Variants in SLC10A4 observed in about 807,000 individuals in gnomAD.
The protein encoded by SLC10A4 is solute carrier family 10 member 4.
A neutral mutation model predicts 22.5 loss-of-function variants in SLC10A4; 17 were observed. The observed-to-expected ratio is 0.76, with a 90% CI of 0.52 to 1.14. SLC10A4 has a LOEUF of 1.14. SLC10A4 is among the 50% of genes most tolerant of loss of function. The pLI is 0.00. For missense variants in SLC10A4, 548 were observed against 584.0 expected, an observed-to-expected ratio of 0.94 and a Z score of 0.64; for synonymous variants, 257 against 258.2, an observed-to-expected ratio of 1.00 and a Z score of 0.04.
In SLC10A4 at chr4:48,488,729, A is replaced by C. The variant is rs751176218; in HGVS notation, c.1104A>C (p.Ala368=). 7 of 1,613,940 alleles carry C rather than the reference A, an allele frequency of 4.3e-6. No homozygotes were observed. In the African/African-American group the frequency reaches 9.3e-5, roughly 22 times the overall value. The change falls in exon 3 of 3, where the codon GCA becomes GCC. Residue 368 remains alanine (A), a synonymous_variant. Coordinates refer to ENST00000273861, the MANE Select transcript of SLC10A4 (RefSeq NM_152679.4). ...GSMYMFPLLY[A]LFQSAEAGIF... is the part of the protein sequence containing the mutation. Reference sequence around the variant, plus strand: ...TGTACATGTTTCCTTTGCTGTATGCACTTTTCCAGTCTGCAGAAGCGGGGA... The same window carrying C: ...TGTACATGTTTCCTTTGCTGTATGCCCTTTTCCAGTCTGCAGAAGCGGGGA...
chr4:48,487,894 T>C (rs1216317871), intron 2 of SLC10A4, among the ~76,000 whole-genome samples: 1 of 128,508 alleles, frequency 7.8e-6, no homozygotes, highest in East Asian at 2.6e-4. Context: ...AACCTCCACC[T>C]CCCAGGTTCA....
chr4:48,488,798 C>G lies in SLC10A4; in HGVS notation c.1173C>G (p.His391Gln), dbSNP rs772104957. The G allele has an allele frequency of 1.2e-6, 2 of 1,613,970 alleles. No homozygotes were observed. Among genetic ancestry groups the G allele is most frequent in the Middle Eastern group, 1.7e-4 (1 of 6,060 alleles). The change falls in exon 3 of 3, where the codon CAC becomes CAG. Residue 391 changes from histidine to glutamine, a missense_variant. By Grantham distance (24) the His-to-Gln change is conservative. Around this residue, in one of 3 missense-constraint regions of SLC10A4, gnomAD observed 314 missense variants for 353.2 expected, o/e 0.89. Coordinates refer to ENST00000273861, the MANE Select transcript of SLC10A4 (RefSeq NM_152679.4). Reference sequence around the variant, plus strand: ...AAATGTATGGAAGTGAAATGTTGCACAAGCGAGATCCTCTAGATGAAGATG... The same window carrying G: ...AAATGTATGGAAGTGAAATGTTGCAGAAGCGAGATCCTCTAGATGAAGATG... ...IYKMYGSEML[H>Q]KRDPLDEDED...
In SLC10A4 at chr4:48,483,591, C is replaced by A; in HGVS notation, c.30C>A (p.Leu10=). ...ACGGCAACGACAACGTGACCCTGCT[C>A]TTCGCCCCTCTGCTGCGGGACAACT... is the stretch of plus-strand genomic sequence containing the variant. MDGNDNVTL[L]FAPLLRDNYT... Residue 10 remains leucine (L), a synonymous_variant, in exon 1 of 3, where the codon CTC becomes CTA. Transcript: ENST00000273861. This position sits in a 1 kb window ranked among gnomAD's most constrained non-coding sequence, Gnocchi z 5.4. 2 of 1,505,620 alleles carry A rather than the reference C, an allele frequency of 1.3e-6. No individual in the cohort carries two copies. Among genetic ancestry groups the A allele is most frequent in the South Asian group, 1.2e-5 (1 of 81,170 alleles). The allele number at this position is 1,505,620 out of a possible 1,614,324, so 93.3% of individuals were successfully genotyped here. A position where few individuals can be genotyped will look rare whatever the true frequency, so the allele number is the denominator to read the frequency against.
chr4:48,486,332 C>G (rs1232982220), intron 2 of SLC10A4, among the ~76,000 whole-genome samples: 1 of 151,742 alleles, frequency 6.6e-6, no homozygotes, highest in East Asian at 1.9e-4. Flanking sequence ...ATATTAATAC[C>G]TGTAATATAT....
chr4:48,483,858 G>T lies in SLC10A4; in HGVS notation c.297G>T (p.Thr99=). 1 of 1,541,250 alleles carries T rather than the reference G, an allele frequency of 6.5e-7. No individual in the cohort carries two copies. Residue 99 remains threonine, a synonymous_variant, in exon 1 of 3, where the codon ACG becomes ACT. Transcript: ENST00000273861. The surrounding 1 kb of genome is among the most constrained non-coding windows in gnomAD (Gnocchi z 5.4). ...CCCACGCGCTCCCGTTCTGGGACAC[G>T]CCGCTGAACCACGGGCTGAACGTGT... is the stretch of plus-strand genomic sequence containing the variant. ...WAPHALPFWD[T]PLNHGLNVFV... is the part of the protein sequence containing the mutation.
Position 48,488,851 on chromosome 4 carries a change from T to G in SLC10A4, c.1226T>G (p.Leu409Arg). 7 of 1,613,736 alleles carry G rather than the reference T, an allele frequency of 4.3e-6. No homozygotes were observed. Among genetic ancestry groups the G allele is most frequent in the Non-Finnish European group, 5.9e-6 (7 of 1,179,934 alleles). ...GATACAGATATTTCTTATAAAAAAC[T>G]AAAAGAAGAGGAAATGGCAGACACT... ...DEDTDISYKKLKEEEMADTSY... is the reference protein window; with the variant it reads ...DEDTDISYKKRKEEEMADTSY... The change falls in exon 3 of 3, where the codon CTA becomes CGA. Residue 409 changes from leucine to arginine, a missense_variant. Leu to Arg is a moderately radical substitution (Grantham distance 102). Coordinates refer to ENST00000273861, the MANE Select transcript of SLC10A4 (RefSeq NM_152679.4).
Position 48,489,157 on chromosome 4 carries a change from G to GCCTGAATTAAATGTGGT in SLC10A4, c.*219_*235dup. 2.1e-6 allele frequency: 1 copy of GCCTGAATTAAATGTGGT among 467,288 alleles called. No individual in the cohort carries two copies. The highest frequency in any genetic ancestry group is 3.6e-6 in the Non-Finnish European group (1 of 275,078). 28.9% of individuals were successfully genotyped at this position (467,288 alleles called of 1,614,324 possible). On this transcript the variant is annotated 3_prime_UTR_variant, in exon 3 of 3. Coordinates refer to ENST00000273861, the MANE Select transcript of SLC10A4 (RefSeq NM_152679.4). Reference sequence around the variant, plus strand: ...TTGCACCTGGAATGGCTAACGTGAAGCCTGAATTAAATGTGGTTTTTAGTT... The same window carrying GCCTGAATTAAATGTGGT: ...TTGCACCTGGAATGGCTAACGTGAAGCCTGAATTAAATGTGGTCCTGAATTAAATGTGGTTTTTAGTT...
chr4:48,485,003 G>A lies in SLC10A4; in HGVS notation c.662G>A (p.Trp221Ter), dbSNP rs1478193239. The change falls in exon 2 of 3, where the codon TGG becomes TAG. Residue 221 changes from tryptophan (W) to a stop codon, truncating the protein, a stop_gained. Transcript: ENST00000273861. LOFTEE classifies it high-confidence loss of function. Reference sequence around the variant, plus strand: ...CCCCTGTGCCTGTGGATCTACAGCTGGGCTTGGATCAACACCCCTATCGTG... The same window carrying A: ...CCCCTGTGCCTGTGGATCTACAGCTAGGCTTGGATCAACACCCCTATCGTG... Reference protein sequence around the residue: ...LMPLCLWIYSWAWINTPIVQL... With the variant: ...LMPLCLWIYS The A allele has an allele frequency of 1.2e-6, 2 of 1,614,082 alleles. No homozygotes were observed. Among genetic ancestry groups the A allele is most frequent in the Non-Finnish European group, 8.5e-7 (1 of 1,180,000 alleles).
chr4:48,484,860 A>G lies in SLC10A4; in HGVS notation c.591-72A>G, dbSNP rs1718252157. On this transcript the variant is annotated intron_variant, in intron 1 of 2. Coordinates refer to ENST00000273861, the MANE Select transcript of SLC10A4 (RefSeq NM_152679.4). ...TCTCCCCGTTCCACCTCTACTCAAC[A>G]TACAAGAAAAAGGTTAGCTGGCTGT... 131 of 1,446,094 alleles carry G rather than the reference A, an allele frequency of 9.1e-5. 1 individual carries two copies. In the South Asian group the frequency reaches 1.6e-3, roughly 18 times the overall value. The allele number at this position is 1,446,094 out of a possible 1,614,324, so 89.6% of individuals were successfully genotyped here. A position where few individuals can be genotyped will look rare whatever the true frequency, so the allele number is the denominator to read the frequency against.
intron 1 of SLC10A4, among the ~76,000 whole-genome samples, chr4:48,484,508 C>T (rs1479219220): frequency 6.6e-6 from 1 of 152,204 alleles, no homozygotes; most frequent in Non-Finnish European, 1.5e-5. Context: ...AACTCGCCGG[C>T]AACGTAAAAG....
In SLC10A4 at chr4:48,483,613, A is replaced by G; in HGVS notation, c.52A>G (p.Asn18Asp). ...GCTCTTCGCCCCTCTGCTGCGGGAC[A>G]ACTACACCCTGGCGCCCAATGCCAG... ...TLLFAPLLRD[N>D]YTLAPNASSL... Residue 18 changes from asparagine (N) to aspartate (D), a missense_variant, in exon 1 of 3, where the codon AAC becomes GAC. Around this residue, in one of 3 missense-constraint regions of SLC10A4, gnomAD observed 225 missense variants for 206.9 expected, o/e 1.09. Transcript: ENST00000273861. This position sits in a 1 kb window ranked among gnomAD's most constrained non-coding sequence, Gnocchi z 5.4. 2.7e-6 allele frequency: 4 copies of G among 1,500,708 alleles called. No individual in the cohort carries two copies. The highest frequency in any genetic ancestry group is 3.5e-6 in the Non-Finnish European group (4 of 1,128,816). The allele number at this position is 1,500,708 out of a possible 1,614,324, so 93.0% of individuals were successfully genotyped here. A position where few individuals can be genotyped will look rare whatever the true frequency, so the allele number is the denominator to read the frequency against.
chr4:48,484,524 T>A (rs1200653579), intron 1 of SLC10A4, among the ~76,000 whole-genome samples: 1 of 152,172 alleles, frequency 6.6e-6, no homozygotes, highest in Non-Finnish European at 1.5e-5. Context: ...AAAAGTAAAA[T>A]AGGGCTACTG....
rs779229808 is a variant in SLC10A4 at position 48,489,302 on chromosome 4, T to C, written c.*363T>C. The C allele has an allele frequency of 8.0e-5, 14 of 174,666 alleles. No homozygotes were observed. The highest frequency in any genetic ancestry group is 9.6e-5 in the Non-Finnish European group (8 of 82,988). 10.8% of individuals were successfully genotyped at this position (174,666 alleles called of 1,614,324 possible). A position where few individuals can be genotyped will look rare whatever the true frequency, so the allele number is the denominator to read the frequency against. ...AACAAGCTATCTTTGTAAAGCATAA[T>C]TGAGTTTAATGTAATTGTTGTAAAA... On this transcript the variant is annotated 3_prime_UTR_variant, in exon 3 of 3. Transcript: ENST00000273861.
rs757467094 is a variant in SLC10A4, at chr4:48,484,031, T to A, written c.470T>A (p.Leu157Gln). The A allele has an allele frequency of 6.3e-7, 1 of 1,598,838 alleles. No individual in the cohort carries two copies. Among genetic ancestry groups the A allele is most frequent in the South Asian group, 1.1e-5 (1 of 90,038 alleles). Reference sequence around the variant, plus strand: ...CTCCTGCCGCTGCTGGCCTTCCTGCTGGCCCTCGCCTTCAAGCTGGACGAG... The same window carrying A: ...CTCCTGCCGCTGCTGGCCTTCCTGCAGGCCCTCGCCTTCAAGCTGGACGAG... ...FGLLPLLAFL[L>Q]ALAFKLDEVA... is the part of the protein sequence containing the mutation. Residue 157 changes from leucine to glutamine, a missense_variant, in exon 1 of 3, where the codon CTG becomes CAG. This residue lies in a region of SLC10A4 where 314 missense variants were observed against 353.2 expected (regional missense o/e 0.89). Transcript: ENST00000273861.
rs1718261192 is a variant in SLC10A4 at position 48,485,085 on chromosome 4, C to T, written c.744C>T (p.Ile248=). ...CTCTCTGCAGCACTCTCATACCTAT[C>T]GGGTTGGGCGTCTTCATTCGCTACA... ...TLTLCSTLIP[I]GLGVFIRYKY... Residue 248 remains isoleucine, a synonymous_variant, in exon 2 of 3, where the codon ATC becomes ATT. Transcript: ENST00000273861. The T allele has an allele frequency of 6.2e-7, 1 of 1,614,096 alleles. No homozygotes were observed. Among genetic ancestry groups the T allele is most frequent in the Non-Finnish European group, 8.5e-7 (1 of 1,180,024 alleles).
chr4:48,489,026 A>T lies in SLC10A4; in HGVS notation c.*87A>T. On this transcript the variant is annotated 3_prime_UTR_variant, in exon 3 of 3. Transcript: ENST00000273861. ...GTAGTGCACATGGTTAACATAAAAG[A>T]TAACACTGGTTCACATCATACATGT... The T allele has an allele frequency of 7.1e-7, 1 of 1,408,044 alleles. No homozygotes were observed. The highest frequency in any genetic ancestry group is 1.4e-5 in the South Asian group (1 of 69,958). 87.2% of individuals were successfully genotyped at this position (1,408,044 alleles called of 1,614,324 possible). A position where few individuals can be genotyped will look rare whatever the true frequency, so the allele number is the denominator to read the frequency against.
chr4:48,485,095 G>A lies in SLC10A4; in HGVS notation c.754G>A (p.Val252Ile), dbSNP rs141891985. 9.9e-6 allele frequency: 16 copies of A among 1,613,970 alleles called. No homozygotes were observed. Among genetic ancestry groups the A allele is most frequent in the African/African-American group, 2.7e-5 (2 of 74,878 alleles). ...CACTCTCATACCTATCGGGTTGGGC[G>A]TCTTCATTCGCTACAAATACAGCCG... is the stretch of plus-strand genomic sequence containing the variant. Reference protein sequence around the residue: ...CSTLIPIGLGVFIRYKYSRVA... With the variant: ...CSTLIPIGLGIFIRYKYSRVA... The change falls in exon 2 of 3, where the codon GTC becomes ATC. Residue 252 changes from valine (V) to isoleucine (I), a missense_variant. This residue lies in a region of SLC10A4 where 314 missense variants were observed against 353.2 expected (regional missense o/e 0.89). Transcript: ENST00000273861.
chr4:48,487,771 T>A (rs1718305276), intron 2 of SLC10A4, among the ~76,000 whole-genome samples: 1 of 147,308 alleles, frequency 6.8e-6, no homozygotes, highest in South Asian at 2.2e-4. Context: ...TTTTGAAGGC[T>A]ATTTTTTTTT....
chr4:48,486,054 A>G lies in SLC10A4; in HGVS notation c.801+912A>G, dbSNP rs565229490. The stretch of plus-strand genomic sequence containing the variant: ...TAATCAAATAAAATACGTAACTATT[A>G]CTGCAAAATGCACAGGCAAATTCCT... On this transcript the variant is annotated intron_variant, in intron 2 of 2. Transcript: ENST00000273861. 4.6e-5 allele frequency among the ~76,000 whole-genome samples: 7 copies of G among 152,340 alleles called. No individual in the cohort carries two copies. The South Asian group carries it at 1.4e-3, about 32-fold the overall frequency.
Sources: gnomAD v4.1 joint callset for allele counts (sites outside exome capture counted in the v4.1 genomes callset) on GRCh38, gnomAD v4.1.1 for gene constraint, gnomAD v4.1.1 regional missense constraint, Gnocchi (gnomAD v3.1) non-coding constraint, MANE v1.5 for transcripts, NCBI Gene and HGNC (gene_info 2026-07-23, HGNC 2026-07-21) for gene names.